NOSTRIN: variants seen among roughly 807,000 people sequenced by gnomAD.
The protein encoded by NOSTRIN is BM247 homolog.
NOSTRIN carries 63 observed loss-of-function variants against 59.0 expected under a neutral mutation model. That is an observed-to-expected ratio of 1.07 (90% CI 0.87 to 1.32). NOSTRIN has a LOEUF of 1.32. Among genes scored for constraint, NOSTRIN ranks in the 40% most tolerant of loss-of-function variants. NOSTRIN has a pLI of 0.00. For missense variants in NOSTRIN, 512 were observed against 473.1 expected, an observed-to-expected ratio of 1.08 and a Z score of -0.76; for synonymous variants, 200 against 165.4, an observed-to-expected ratio of 1.21 and a Z score of -1.61.
chr2:168,787,320 C>A (rs1685232195), intron 1 of NOSTRIN, among the ~76,000 whole-genome samples: 1 of 152,182 alleles, frequency 6.6e-6, no homozygotes, highest in Non-Finnish European at 1.5e-5. Context: ...TGGGCACTGT[C>A]TCAGAATGTG....
At position 168,826,869 on chromosome 2, in the gene NOSTRIN, C is replaced by A. The variant is rs1047424128; in HGVS notation, c.198-1289C>A. Among the ~76,000 whole-genome samples, 60 of 152,160 alleles carry A rather than the reference C, an allele frequency of 3.9e-4. 1 individual carries two copies. The highest frequency in any genetic ancestry group is 1.4e-3 in the African/African-American group (56 of 41,414). On this transcript the variant is annotated intron_variant, in intron 3 of 15. Transcript: ENST00000317647. ...TCATCATGCCAAAAGATTTATCATG[C>A]CTGTTTGCACTCCTTCCCACCCAAC...
chr2:168,834,489 G>A (rs558872737), intron 7 of NOSTRIN, among the ~76,000 whole-genome samples, 164 bp downstream of exon 7: 216 of 63,528 alleles, frequency 3.4e-3, no homozygotes, highest in African/African-American at 0.018. Context: ...CATTACTGGC[G>A]TGCGCGCGCG....
chr2:168,834,501 GCGCGCGCACACA>G (rs770664111), intron 7 of NOSTRIN, among the ~76,000 whole-genome samples, 176 bp downstream of exon 7: 3 of 110,680 alleles, frequency 2.7e-5, no homozygotes, highest in Admixed American at 8.8e-5. Context: ...GCGCGCGCGC[GCGCGCGCACACA>G]CACACACACA....
chr2:168,841,249 A>G (rs866994417), intron 7 of NOSTRIN, among the ~76,000 whole-genome samples: 9 of 55,318 alleles, frequency 1.6e-4, no homozygotes, highest in Admixed American at 4.5e-4. Context: ...AAAAAAAAAA[A>G]AAAAAAAAAA....
At position 168,864,867 on chromosome 2, in the gene NOSTRIN, G is replaced by A. The variant is rs479661; in HGVS notation, c.1418G>A (p.Gly473Glu). 1,366,696 of 1,613,392 alleles carry A rather than the reference G, an allele frequency of 0.85. 580,231 individuals are homozygous for A. The highest frequency in any genetic ancestry group is 0.95 in the African/African-American group (71,510 of 74,990). Residue 473 changes from glycine to glutamate, a missense_variant, in exon 16 of 16, where the codon GGA becomes GAA. By Grantham distance (98) the Gly-to-Glu change is moderately conservative. Transcript: ENST00000317647. The stretch of plus-strand genomic sequence containing the variant: ...GTGATTATACACGAGAAAAAAGAAG[G>A]AGGATGGTGGTTTGGATCTTTGAAT... ...DIVIIHEKKE[G>E]GWWFGSLNGK...
At chr2:168,856,900 T>C in intron 12 of NOSTRIN, 122 bp downstream of exon 12, 1 of 822,960 alleles carries the variant, frequency 1.2e-6, no homozygotes, top group Non-Finnish European at 2.0e-6. Context: ...AACAATCTAG[T>C]GGGGGAGCTT....
At chr2:168,854,835 T>C (rs1395210066) in intron 10 of NOSTRIN, among the ~76,000 whole-genome samples, 1 of 152,216 alleles carries the variant, frequency 6.6e-6, no homozygotes, top group African/African-American at 2.4e-5. Flanking sequence ...TTTAATGTTA[T>C]GCTTCAAGGC....
exon 1 of NOSTRIN, chr2:168,786,552 T>A (rs1685207037): frequency 1.3e-5 from 2 of 152,128 alleles, no homozygotes; most frequent in Non-Finnish European, 2.9e-5. Context: ...CATGCAGCCC[T>A]TCCCAAGCAC....
At chr2:168,862,618 A>G (rs1689535572) in intron 15 of NOSTRIN, among the ~76,000 whole-genome samples, 1 of 152,226 alleles carries the variant, frequency 6.6e-6, no homozygotes, top group East Asian at 1.9e-4. Context: ...CTTCTCAGAA[A>G]AGCTTTTTAC....
At chr2:168,794,767 T>G (rs1685440545), upstream of NOSTRIN, among the ~76,000 whole-genome samples, 1 of 152,040 alleles carries the variant, frequency 6.6e-6, no homozygotes, top group Non-Finnish European at 1.5e-5. Context: ...AACATATACT[T>G]TTTAAAAAAT....
At chr2:168,796,262 G>T (rs1685475818), upstream of NOSTRIN, among the ~76,000 whole-genome samples, 1 of 152,208 alleles carries the variant, frequency 6.6e-6, no homozygotes, top group Admixed American at 6.5e-5. Flanking sequence ...ACCGGGAGTT[G>T]GCCTTCGGAA....
At chr2:168,820,103 T>A (rs1423040388) in intron 2 of NOSTRIN, among the ~76,000 whole-genome samples, 1 of 152,122 alleles carries the variant, frequency 6.6e-6, no homozygotes. Flanking sequence ...TTGTTCCACT[T>A]CTCCCACAAT....
chr2:168,808,691 T>C (rs1685990349), intron 1 of NOSTRIN, among the ~76,000 whole-genome samples: 1 of 152,228 alleles, frequency 6.6e-6, no homozygotes, highest in Non-Finnish European at 1.5e-5. Flanking sequence ...TAAAATTTTA[T>C]TGAACATAAA....
chr2:168,797,079 C>CTTTT (rs775176252), upstream of NOSTRIN, among the ~76,000 whole-genome samples: 225 of 74,998 alleles, frequency 3.0e-3, 2 homozygotes, highest in Admixed American at 3.9e-3. Context: ...TTTCTTTTTT[C>CTTTT]TTTTTTTTTT....
chr2:168,820,260 C>A (rs189924489), intron 2 of NOSTRIN, among the ~76,000 whole-genome samples: 13 of 152,240 alleles, frequency 8.5e-5, no homozygotes, highest in African/African-American at 2.9e-4. Flanking sequence ...TAGTGACTGA[C>A]CCAACTCTCT....
At chr2:168,848,635 A>G (rs1574322344) in intron 8 of NOSTRIN, among the ~76,000 whole-genome samples, 1 of 152,258 alleles carries the variant, frequency 6.6e-6, no homozygotes. Context: ...GGCACATGCT[A>G]CAACATGGAT....
chr2:168,810,080 G>T (rs532755720), intron 1 of NOSTRIN, among the ~76,000 whole-genome samples: 21 of 152,288 alleles, frequency 1.4e-4, no homozygotes, highest in African/African-American at 4.6e-4. Flanking sequence ...GGCCAGAATG[G>T]TTCTAGCAGC....
rs547041992 is a variant in NOSTRIN at position 168,850,782 on chromosome 2, T to C, written c.631-302T>C. 20 of 742,530 alleles carry C rather than the reference T, an allele frequency of 2.7e-5. No homozygotes were observed. In the East Asian group the frequency reaches 4.6e-4, roughly 17 times the overall value. 46.0% of individuals were successfully genotyped at this position (742,530 alleles called of 1,614,324 possible). A position where few individuals can be genotyped will look rare whatever the true frequency, so the allele number is the denominator to read the frequency against. ...CTCTGGAATTCTCTGGAATCCATGA[T>C]TGTGTCTCAAATGCTTCCTTTTCTT... On this transcript the variant is annotated intron_variant, in intron 8 of 15. Coordinates refer to ENST00000317647, the MANE Select transcript of NOSTRIN (RefSeq NM_001039724.4).
intron 10 of NOSTRIN, among the ~76,000 whole-genome samples, chr2:168,852,242 A>G (rs745827532): frequency 7.9e-5 from 12 of 152,068 alleles, no homozygotes; most frequent in Non-Finnish European, 1.8e-4. Context: ...CACTATCAGT[A>G]TTTTTCATGG....
Sources: gnomAD v4.1 joint callset for allele counts (sites outside exome capture counted in the v4.1 genomes callset) on GRCh38, gnomAD v4.1.1 for gene constraint, MANE v1.5 for transcripts, NCBI Gene and HGNC (gene_info 2026-07-23, HGNC 2026-07-21) for gene names.